GTF2I: variants seen among roughly 807,000 people sequenced by gnomAD.
The protein encoded by GTF2I is general transcription factor IIi, also known as general transcription factor II-I.
A neutral mutation model predicts 67.6 loss-of-function variants in GTF2I; 12 were observed. That is an observed-to-expected ratio of 0.18 (90% CI 0.11 to 0.29). The LOEUF (loss-of-function observed/expected upper bound fraction) is 0.29. GTF2I is among the 10% of genes least tolerant of loss of function. The probability of loss-of-function intolerance (pLI) is 1.00; values close to 1 mark genes in which losing one functional copy is unlikely to be tolerated. For missense variants in GTF2I, 271 were observed against 580.1 expected (o/e 0.47, Z 5.47); for synonymous variants, 149 against 197.0 (o/e 0.76, Z 2.04).
At chr7:74,679,072 A>G (rs1173891091) in intron 1 of GTF2I, among the ~76,000 whole-genome samples, 1 of 148,520 alleles carries the variant, frequency 6.7e-6, no homozygotes, top group Admixed American at 6.8e-5. Flanking sequence ...GCCCAGCTAT[A>G]TTTTTAAAAA....
chr7:74,748,914 C>CA (rs1250761900), intron 24 of GTF2I, 111 bp from the exon 25 acceptor site: 3,645 of 296,760 alleles, frequency 0.012, no homozygotes, highest in East Asian at 0.024. Context: ...TCTGTCTCAA[C>CA]AAAAAAAAAA....
chr7:74,695,990 C>T (rs1249642938), intron 3 of GTF2I, among the ~76,000 whole-genome samples: 1 of 151,658 alleles, frequency 6.6e-6, no homozygotes, highest in African/African-American at 2.4e-5. Flanking sequence ...GTTTTTATTG[C>T]TAATAATTTT....
intron 1 of GTF2I, among the ~76,000 whole-genome samples, chr7:74,667,306 G>T (rs1467928114): frequency 6.6e-6 from 1 of 152,098 alleles, no homozygotes; most frequent in African/African-American, 2.4e-5. Flanking sequence ...TCTTGCCACT[G>T]CTCTCCAGCC....
In GTF2I at chr7:74,711,226, CAT is replaced by C. The variant is rs1554402474; in HGVS notation, c.763+124_763+125del. ...ATTTTATTGATCAGTTCTTGATTGA[CAT>C]ATATATTGTAATTCAGTCCCGGGGA... On this transcript the variant is annotated intron_variant, in intron 9 of 34. Coordinates refer to ENST00000573035, the MANE Select transcript of GTF2I (RefSeq NM_032999.4). The C allele has an allele frequency of 7.7e-6, 4 of 521,152 alleles. No individual in the cohort carries two copies. The East Asian group carries it at 1.1e-4, about 14-fold the overall frequency. 32.3% of individuals were successfully genotyped at this position (521,152 alleles called of 1,614,324 possible).
At chr7:74,698,139 T>C (rs2131326373) in intron 3 of GTF2I, among the ~76,000 whole-genome samples, 1 of 152,250 alleles carries the variant, frequency 6.6e-6, no homozygotes, top group South Asian at 2.1e-4. Flanking sequence ...GTATTTTTAG[T>C]AGAGACGGAG....
chr7:74,672,190 A>C (rs984808141), intron 1 of GTF2I, among the ~76,000 whole-genome samples: 8 of 152,106 alleles, frequency 5.3e-5, no homozygotes, highest in African/African-American at 1.9e-4. Flanking sequence ...TGTATATGTT[A>C]ATATACATTA....
chr7:74,709,718 G>C (rs1164648896), intron 8 of GTF2I, among the ~76,000 whole-genome samples: 1 of 151,588 alleles, frequency 6.6e-6, no homozygotes, highest in Non-Finnish European at 1.5e-5. Flanking sequence ...TGTCGCCCAG[G>C]CTGGAGTGTA....
chr7:74,749,901 A>C (rs1171242453), intron 26 of GTF2I, among the ~76,000 whole-genome samples: 31 of 150,200 alleles, frequency 2.1e-4, no homozygotes, highest in Admixed American at 6.0e-4. Context: ...AAACAAAAAA[A>C]AAAAAAAAAA....
At chr7:74,724,472 G>T (rs963231237) in intron 12 of GTF2I, among the ~76,000 whole-genome samples, 1 of 152,094 alleles carries the variant, frequency 6.6e-6, no homozygotes, top group Non-Finnish European at 1.5e-5. Context: ...TTATCTTTAG[G>T]TGTATTCGTT....
rs587599458 is a variant in GTF2I at position 74,704,481 on chromosome 7, C to T, written c.587-683C>T. The stretch of plus-strand genomic sequence containing the variant: ...AATTTTTATATTTTTTTAGCAGAGA[C>T]GGGGGTTCACCATGTTGGCCAGGCT... On this transcript the variant is annotated intron_variant, in intron 6 of 34. Coordinates refer to ENST00000573035, the MANE Select transcript of GTF2I (RefSeq NM_032999.4). 5.9e-5 allele frequency among the ~76,000 whole-genome samples: 9 copies of T among 151,646 alleles called. No individual in the cohort carries two copies. In the South Asian group the frequency reaches 1.7e-3, roughly 28 times the overall value.
chr7:74,710,252 T>TTG (rs748220049), intron 8 of GTF2I, among the ~76,000 whole-genome samples: 1 of 152,164 alleles, frequency 6.6e-6, no homozygotes, highest in Non-Finnish European at 1.5e-5. Context: ...ACGATTTCGT[T>TTG]TGTGTTAGGG....
At chr7:74,689,454 A>G (rs2527375) in intron 2 of GTF2I, among the ~76,000 whole-genome samples, 26,277 of 146,254 alleles carry the variant, frequency 0.18, 4,411 homozygotes, top group African/African-American at 0.45. Flanking sequence ...TCCCGGGTTC[A>G]AGCGATTCTC....
intron 1 of GTF2I, among the ~76,000 whole-genome samples, chr7:74,665,017 G>A (rs1425739244): frequency 4.7e-5 from 7 of 149,420 alleles, no homozygotes; most frequent in South Asian, 2.1e-4. Context: ...CTGGCTCACC[G>A]CAATCTCCGC....
intron 2 of GTF2I, 166 bp downstream of exon 2, chr7:74,689,393 T>G (rs1451808200): frequency 2.3e-6 from 1 of 443,646 alleles, no homozygotes; most frequent in African/African-American, 2.1e-5. Context: ...CTTGCTCTGT[T>G]GCCCAGGCTA....
Position 74,699,068 on chromosome 7 carries a change from G to A in GTF2I, c.346G>A (p.Val116Ile). ...AVEIETLRKTVEDYFCFCYGK... is the reference protein window; with the variant it reads ...AVEIETLRKTIEDYFCFCYGK... ...AGAAATTGAAACACTCAGAAAAACA[G>A]TTGAGGACTATTTCTGCTTTTGCTA... Residue 116 changes from valine (V) to isoleucine (I), a missense_variant, in exon 4 of 35, where the codon GTT (valine) becomes ATT (isoleucine). By Grantham distance (29) the Val-to-Ile change is conservative (BLOSUM62 3). This residue lies in a region of GTF2I where 72 missense variants were observed against 87.4 expected (regional missense o/e 0.82). Coordinates refer to ENST00000573035, the MANE Select transcript of GTF2I (RefSeq NM_032999.4). The A allele has an allele frequency of 6.6e-7, 1 of 1,525,654 alleles. No individual in the cohort carries two copies. The highest frequency in any genetic ancestry group is 8.8e-7 in the Non-Finnish European group (1 of 1,132,024). The allele number at this position is 1,525,654 out of a possible 1,614,324, so 94.5% of individuals were successfully genotyped here. A position where few individuals can be genotyped will look rare whatever the true frequency, so the allele number is the denominator to read the frequency against.
chr7:74,689,443 C>T (rs1788058568), intron 2 of GTF2I, among the ~76,000 whole-genome samples: 1 of 149,076 alleles, frequency 6.7e-6, no homozygotes, highest in South Asian at 2.1e-4. Flanking sequence ...CAACCTTTAC[C>T]TCCCGGGTTC....
At chr7:74,668,478 T>G (rs1271707135) in intron 1 of GTF2I, among the ~76,000 whole-genome samples, 1 of 151,956 alleles carries the variant, frequency 6.6e-6, no homozygotes, top group Non-Finnish European at 1.5e-5. Flanking sequence ...CCTAGGAAGT[T>G]TTCTGATTGT....
At chr7:74,698,806 G>T (rs988047100) in intron 3 of GTF2I, among the ~76,000 whole-genome samples, 155 bp from the exon 4 acceptor site, 1 of 152,062 alleles carries the variant, frequency 6.6e-6, no homozygotes, top group African/African-American at 2.4e-5. Context: ...GTTAAAGAAT[G>T]GTTAAGAAAT....
intron 1 of GTF2I, among the ~76,000 whole-genome samples, chr7:74,668,286 T>C (rs781866317): frequency 9.3e-5 from 14 of 150,848 alleles, no homozygotes; most frequent in Non-Finnish European, 1.6e-4. Flanking sequence ...ATTTAATCCT[T>C]CTTGTGGTTT....
Sources: gnomAD v4.1 joint callset for allele counts (sites outside exome capture counted in the v4.1 genomes callset) on GRCh38, gnomAD v4.1.1 for gene constraint, gnomAD v4.1.1 regional missense constraint, MANE v1.5 for transcripts, NCBI Gene and HGNC (gene_info 2026-07-23, HGNC 2026-07-21) for gene names.